PXK: variants seen among roughly 807,000 people sequenced by gnomAD.
The protein encoded by PXK is PX domain-containing protein kinase-like protein.
Under a neutral mutation model 84.7 loss-of-function variants are expected in PXK, and 35 were observed. That is an observed-to-expected ratio of 0.41 (90% CI 0.32 to 0.55). The LOEUF is 0.55. Ranked by LOEUF, PXK falls within the 20% of genes least tolerant of loss-of-function variation. The pLI is 0.21. For missense variants in PXK, 634 were observed against 699.7 expected, an observed-to-expected ratio of 0.91 and a Z score of 1.06; for synonymous variants, 253 against 260.8, an observed-to-expected ratio of 0.97 and a Z score of 0.29.
At chr3:58,389,759 G>T (rs1054242596) in intron 4 of PXK, among the ~76,000 whole-genome samples, 4 of 151,974 alleles carry the variant, frequency 2.6e-5, no homozygotes, top group Non-Finnish European at 5.9e-5. Flanking sequence ...CAGCACTTTG[G>T]GAGGCCGAGG....
rs767129249 is a variant in PXK at position 58,412,678 on chromosome 3, C to T, written c.1466-223C>T. 2.6e-5 allele frequency among the ~76,000 whole-genome samples: 4 copies of T among 152,108 alleles called. No individual in the cohort carries two copies. Among genetic ancestry groups the T allele is most frequent in the Non-Finnish European group, 4.4e-5 (3 of 68,020 alleles). On this transcript the variant is annotated intron_variant, in intron 16 of 17. Coordinates refer to ENST00000356151, the MANE Select transcript of PXK (RefSeq NM_017771.5). This position sits in a 1 kb window ranked among gnomAD's most constrained non-coding sequence, Gnocchi z 6.2. ...GCAGGCCATGGGGAGCAGTGGGAGG[C>T]AAGGAGCTTTTAGTGGCTTGGGGAA...
rs934437413 is a variant in PXK, at chr3:58,399,634, G to A, written c.1181+257G>A. On this transcript the variant is annotated intron_variant, in intron 12 of 17. Coordinates refer to ENST00000356151, the MANE Select transcript of PXK (RefSeq NM_017771.5). The surrounding 1 kb of genome is among the most constrained non-coding windows in gnomAD (Gnocchi z 4.3). Reference sequence around the variant, plus strand: ...TCCTCACTCAGCGTTAGCATTGTGTGTACGTACATTAGCATTGGGTGTGCG... The same window carrying A: ...TCCTCACTCAGCGTTAGCATTGTGTATACGTACATTAGCATTGGGTGTGCG... Among the ~76,000 whole-genome samples, 2 of 152,154 alleles carry A rather than the reference G, an allele frequency of 1.3e-5. No individual in the cohort carries two copies. The highest frequency in any genetic ancestry group is 2.9e-5 in the Non-Finnish European group (2 of 68,042).
intron 1 of PXK, among the ~76,000 whole-genome samples, chr3:58,356,750 C>G (rs139087273): frequency 6.6e-6 from 1 of 151,736 alleles, no homozygotes; most frequent in Non-Finnish European, 1.5e-5. Context: ...ACTACAGATG[C>G]GTACCTCCAT....
At chr3:58,366,189 G>C (rs1178866608) in intron 2 of PXK, among the ~76,000 whole-genome samples, 1 of 152,170 alleles carries the variant, frequency 6.6e-6, no homozygotes, top group East Asian at 1.9e-4. Context: ...AGGGCAAATA[G>C]TGTATGCAAA....
At chr3:58,360,996 T>A (rs2098174297) in intron 1 of PXK, among the ~76,000 whole-genome samples, 1 of 151,944 alleles carries the variant, frequency 6.6e-6, no homozygotes, top group African/African-American at 2.4e-5. Flanking sequence ...CTGGGGAAGC[T>A]ATTAAAACTT....
At chr3:58,408,613 C>T (rs572940883) in intron 13 of PXK, among the ~76,000 whole-genome samples, 1 of 151,976 alleles carries the variant, frequency 6.6e-6, no homozygotes, top group Non-Finnish European at 1.5e-5. Flanking sequence ...AGCTCCGCCT[C>T]CCGGGTTCAC....
chr3:58,336,760 A>G (rs1413148409), intron 1 of PXK, among the ~76,000 whole-genome samples: 1 of 152,098 alleles, frequency 6.6e-6, no homozygotes, highest in African/African-American at 2.4e-5. Context: ...GTGCACATCC[A>G]ATTTTTGCTG....
At position 58,333,476 on chromosome 3, in the gene PXK, C is replaced by T. The variant is rs2097532863; in HGVS notation, c.102+386C>T. ...CACTTCTGCCCGCCGCCAGCCTTTTCCTTTTTGAGGCCGTGTAATTTCCTC... is the reference window on the plus strand; with the variant it reads ...CACTTCTGCCCGCCGCCAGCCTTTTTCTTTTTGAGGCCGTGTAATTTCCTC... On this transcript the variant is annotated intron_variant, in intron 1 of 17. Transcript: ENST00000356151. The surrounding 1 kb of genome is among the most constrained non-coding windows in gnomAD (Gnocchi z 5.4). 2.2e-6 allele frequency: 1 copy of T among 454,298 alleles called. No homozygotes were observed. The allele number at this position is 454,298 out of a possible 1,614,324, so 28.1% of individuals were successfully genotyped here.
Position 58,355,145 on chromosome 3 carries a change from A to AG in PXK, c.103-10729_103-10728insG, listed in dbSNP as rs1553755206. Among the ~76,000 whole-genome samples the AG allele has an allele frequency of 1.6e-3, 238 of 149,370 alleles. 1 individual carries two copies. Among genetic ancestry groups the AG allele is most frequent in the East Asian group, 0.015 (78 of 5,084 alleles). On this transcript the variant is annotated intron_variant, in intron 1 of 17. Transcript: ENST00000356151. ...TCTCAAAGAAAAGGAAAAAAAAAAA[A>AG]AGAAAAAACAGAAGACCCGCTAATG... is the stretch of plus-strand genomic sequence containing the variant.
At chr3:58,376,540 C>A (rs908019895) in intron 3 of PXK, among the ~76,000 whole-genome samples, 3 of 152,184 alleles carry the variant, frequency 2.0e-5, no homozygotes, top group Non-Finnish European at 4.4e-5. Flanking sequence ...TTAGCATACA[C>A]ACACGTAAAT....
At position 58,382,541 on chromosome 3, in the gene PXK, C is replaced by T. The variant is rs200715226; in HGVS notation, c.229C>T (p.Pro77Ser). 4 of 1,577,680 alleles carry T rather than the reference C, an allele frequency of 2.5e-6. No individual in the cohort carries two copies. The East Asian group carries it at 6.9e-5, about 27-fold the overall frequency. The stretch of plus-strand genomic sequence containing the variant: ...TGCAGGCCTAAGTCTACCTCTTCCT[C>T]CCAAAAAATTGATTGGTAACATGGA... ...QIAGLSLPLP[P>S]KKLIGNMDRE... Residue 77 changes from proline to serine, a missense_variant, in exon 4 of 18, where the codon CCC (proline) becomes TCC (serine). Transcript: ENST00000356151.
At chr3:58,415,866 A>C (rs1159840415) in intron 17 of PXK, among the ~76,000 whole-genome samples, 1 of 152,164 alleles carries the variant, frequency 6.6e-6, no homozygotes, top group East Asian at 1.9e-4. Flanking sequence ...AAATCAGTAC[A>C]CCGAGGTTGC....
chr3:58,375,151 A>G (rs2098427616), intron 3 of PXK, among the ~76,000 whole-genome samples: 1 of 152,230 alleles, frequency 6.6e-6, no homozygotes, highest in African/African-American at 2.4e-5. Flanking sequence ...ATGAAAGAAA[A>G]GGAGCCAGAA....
chr3:58,413,274 C>A, intron 17 of PXK: 1 of 410,124 alleles, frequency 2.4e-6, no homozygotes, highest in South Asian at 2.6e-5. Flanking sequence ...ACATGCTTAG[C>A]TGAACAACAC....
At chr3:58,380,805 G>T (rs935035190) in intron 3 of PXK, among the ~76,000 whole-genome samples, 4 of 151,996 alleles carry the variant, frequency 2.6e-5, no homozygotes, top group African/African-American at 7.2e-5. Context: ...AGTAAGTAAA[G>T]AAAGAAATAG....
chr3:58,422,105 A>C, intron 17 of PXK: 1 of 985,314 alleles, frequency 1.0e-6, no homozygotes, highest in Middle Eastern at 5.2e-4. Flanking sequence ...ATTGTTAGCC[A>C]TGTGTTGTAG....
intron 17 of PXK, chr3:58,423,600 A>T: frequency 6.6e-7 from 1 of 1,514,748 alleles, no homozygotes; most frequent in Non-Finnish European, 8.8e-7. Context: ...AGTCGTCCAT[A>T]CAAACTTAAG....
rs929786809 is a variant in PXK, at chr3:58,363,555, C to T, written c.103-2319C>T. Among the ~76,000 whole-genome samples the T allele has an allele frequency of 2.0e-4, 30 of 152,160 alleles. 1 individual carries two copies. The highest frequency in any genetic ancestry group is 2.9e-5 in the Non-Finnish European group (2 of 68,024). The stretch of plus-strand genomic sequence containing the variant: ...TGGGCTAGTCTTAAACTCCTGGACT[C>T]AAGCAGTCATCCCACCTCAGCCTGC... On this transcript the variant is annotated intron_variant, in intron 1 of 17. Transcript: ENST00000356151.
In PXK at chr3:58,425,020, C is replaced by G. The variant is rs141369866; in HGVS notation, c.*60C>G. On this transcript the variant is annotated 3_prime_UTR_variant, in exon 18 of 18. Transcript: ENST00000356151. The stretch of plus-strand genomic sequence containing the variant: ...TTTTATTCCTACTCACCCCTACCCC[C>G]CAAACTACCCTCTTCCTGGGAAAGT... 3.1e-4 allele frequency: 486 copies of G among 1,582,678 alleles called. No individual in the cohort carries two copies. The highest frequency in any genetic ancestry group is 3.8e-4 in the East Asian group (17 of 44,316).
Sources: gnomAD v4.1 joint callset for allele counts (sites outside exome capture counted in the v4.1 genomes callset) on GRCh38, gnomAD v4.1.1 for gene constraint, Gnocchi (gnomAD v3.1) non-coding constraint, MANE v1.5 for transcripts, NCBI Gene and HGNC (gene_info 2026-07-23, HGNC 2026-07-21) for gene names.